The following SLC12A8 variants were observed in gnomAD, a reference collection of about 807,000 sequenced individuals.
The protein encoded by SLC12A8 is cation-chloride cotransporter 9.
A neutral mutation model predicts 75.6 loss-of-function variants in SLC12A8; 69 were observed. That is an observed-to-expected ratio of 0.91 (90% CI 0.75 to 1.11). SLC12A8 has a LOEUF of 1.11. Ranked by LOEUF, SLC12A8 falls within the 50% of genes most tolerant of loss-of-function variation. The pLI is 0.00. For missense variants in SLC12A8, 877 were observed against 896.7 expected, an observed-to-expected ratio of 0.98 and a Z score of 0.28; for synonymous variants, 365 against 372.8, an observed-to-expected ratio of 0.98 and a Z score of 0.24.
chr3:125,125,278 C>A (rs1179769997), intron 6 of SLC12A8, among the ~76,000 whole-genome samples: 1 of 152,128 alleles, frequency 6.6e-6, no homozygotes, highest in Non-Finnish European at 1.5e-5. Context: ...CTATTTAGGA[C>A]TGGATGGAGT....
At chr3:125,168,613 C>T (rs1206324690) in intron 5 of SLC12A8, among the ~76,000 whole-genome samples, 1 of 152,174 alleles carries the variant, frequency 6.6e-6, no homozygotes, top group Non-Finnish European at 1.5e-5. Flanking sequence ...AGAGCTAAGC[C>T]AGTGTTGTAT....
intron 2 of SLC12A8, among the ~76,000 whole-genome samples, chr3:125,196,175 A>G (rs1935005933): frequency 6.6e-6 from 1 of 152,260 alleles, no homozygotes; most frequent in Non-Finnish European, 1.5e-5. Flanking sequence ...AATTAAATCA[A>G]CAAAGATGAA....
intron 5 of SLC12A8, among the ~76,000 whole-genome samples, chr3:125,142,811 A>G (rs778442063): frequency 6.6e-6 from 1 of 152,212 alleles, no homozygotes; most frequent in Non-Finnish European, 1.5e-5. Flanking sequence ...CTTCCCAGCC[A>G]GAAGCCCACT....
chr3:125,190,210 T>A (rs1421930144), intron 3 of SLC12A8, among the ~76,000 whole-genome samples, 165 bp downstream of exon 3: 1 of 152,208 alleles, frequency 6.6e-6, no homozygotes, highest in Non-Finnish European at 1.5e-5. Flanking sequence ...CACAGGATGC[T>A]CATTTAACAA....
At chr3:125,097,200 C>A (rs1938736824) in intron 10 of SLC12A8, among the ~76,000 whole-genome samples, 1 of 148,816 alleles carries the variant, frequency 6.7e-6, no homozygotes, top group Non-Finnish European at 1.5e-5. Flanking sequence ...TCCTGGCCAA[C>A]ATGGTGAAAC....
intron 1 of SLC12A8, among the ~76,000 whole-genome samples, chr3:125,212,353 G>A (rs1460468185): frequency 6.6e-6 from 1 of 152,158 alleles, no homozygotes; most frequent in Non-Finnish European, 1.5e-5. Flanking sequence ...CACAGAGCAA[G>A]GGACCCCAGG....
intron 5 of SLC12A8, among the ~76,000 whole-genome samples, chr3:125,162,930 G>C (rs1038825906): frequency 5.3e-5 from 8 of 152,082 alleles, no homozygotes; most frequent in African/African-American, 1.9e-4. Flanking sequence ...AAAAGAGGAA[G>C]AGGAAAAAGA....
chr3:125,084,197 C>A, intron 13 of SLC12A8, 145 bp from the exon 14 acceptor site: 3 of 644,416 alleles, frequency 4.7e-6, no homozygotes, highest in East Asian at 2.8e-5. Context: ...GGTATATGTA[C>A]AGGTATATAT....
chr3:125,172,402 T>C (rs1934423358), intron 5 of SLC12A8, among the ~76,000 whole-genome samples: 1 of 152,062 alleles, frequency 6.6e-6, no homozygotes, highest in African/African-American at 2.4e-5. Flanking sequence ...GTCTTAAGGA[T>C]ACTAAAACAG....
At chr3:125,187,551 ACAGAGT>A in intron 3 of SLC12A8, 123 bp from the exon 4 acceptor site, 1 of 842,496 alleles carries the variant, frequency 1.2e-6, no homozygotes, top group Non-Finnish European at 1.9e-6. Context: ...GGGTGGGGGC[ACAGAGT>A]CAGGACAACT....
chr3:125,121,737 C>A (rs1330469797), intron 6 of SLC12A8, among the ~76,000 whole-genome samples: 4 of 152,230 alleles, frequency 2.6e-5, no homozygotes, highest in Non-Finnish European at 5.9e-5. Context: ...CCTGGTCTGT[C>A]TGACTCTGAA....
intron 3 of SLC12A8, among the ~76,000 whole-genome samples, chr3:125,190,040 A>G (rs1934877657): frequency 6.6e-6 from 1 of 152,132 alleles, no homozygotes; most frequent in African/African-American, 2.4e-5. Flanking sequence ...GAATACCGGG[A>G]AAACTACAGA....
At chr3:125,115,117 C>G (rs1170895846) in intron 8 of SLC12A8, among the ~76,000 whole-genome samples, 1 of 152,142 alleles carries the variant, frequency 6.6e-6, no homozygotes, top group Non-Finnish European at 1.5e-5. Flanking sequence ...TAATTAGCAC[C>G]TACTACATGC....
chr3:125,192,079 C>A, intron 2 of SLC12A8, among the ~76,000 whole-genome samples: 1 of 152,098 alleles, frequency 6.6e-6, no homozygotes, highest in East Asian at 1.9e-4. Flanking sequence ...TCTCGAAATT[C>A]AGGATGGGTC....
intron 5 of SLC12A8, among the ~76,000 whole-genome samples, chr3:125,136,622 T>G (rs1315878138): frequency 2.6e-5 from 4 of 152,174 alleles, no homozygotes; most frequent in Non-Finnish European, 5.9e-5. Context: ...AAAAGAACCT[T>G]TCTCTTAGAT....
intron 5 of SLC12A8, among the ~76,000 whole-genome samples, chr3:125,174,307 A>G (rs1328930869): frequency 1.3e-5 from 2 of 152,322 alleles, no homozygotes; most frequent in East Asian, 3.9e-4. Context: ...TAGAATTACT[A>G]AAAAACAAAA....
At chr3:125,172,128 G>A (rs1236498945) in intron 5 of SLC12A8, among the ~76,000 whole-genome samples, 3 of 152,016 alleles carry the variant, frequency 2.0e-5, no homozygotes, top group African/African-American at 7.2e-5. Flanking sequence ...ATAAAAATTA[G>A]CCAGACATGA....
chr3:125,143,252 A>C (rs1182679274), intron 5 of SLC12A8, among the ~76,000 whole-genome samples: 1 of 152,278 alleles, frequency 6.6e-6, no homozygotes, highest in Non-Finnish European at 1.5e-5. Flanking sequence ...ATCCTGGTAC[A>C]ACTATTGGTG....
chr3:125,136,864 T>C (rs1933506520), intron 5 of SLC12A8, among the ~76,000 whole-genome samples: 1 of 152,184 alleles, frequency 6.6e-6, no homozygotes, highest in Non-Finnish European at 1.5e-5. Context: ...GCTGTGGAAT[T>C]TTAAGACACA....
Sources: allele counts gnomAD v4.1 joint callset (sites outside exome capture counted in the v4.1 genomes callset), GRCh38; gene constraint gnomAD v4.1.1; transcripts MANE v1.5; gene names NCBI Gene and HGNC (gene_info 2026-07-23, HGNC 2026-07-21).